The following MEI4 variants were observed in gnomAD, a reference collection of about 807,000 sequenced individuals.
MEI4 encodes the protein meiosis-specific protein MEI4.
MEI4 carries 27 observed loss-of-function variants against 31.4 expected under a neutral mutation model. The observed-to-expected ratio is 0.86, with a 90% confidence interval of 0.63 to 1.19. The LOEUF (loss-of-function observed/expected upper bound fraction) is 1.19. Among genes scored for constraint, MEI4 ranks in the 50% most tolerant of loss-of-function variants. MEI4 has a pLI of 0.00. For synonymous variants in MEI4, 122 were observed against 145.4 expected, an observed-to-expected ratio of 0.84 and a Z score of 1.16; for missense variants, 329 against 398.9, an observed-to-expected ratio of 0.82 and a Z score of 1.49.
intron 4 of MEI4, among the ~76,000 whole-genome samples, chr6:77,899,451 G>A (rs144603372): frequency 3.5e-4 from 54 of 152,120 alleles, no homozygotes; most frequent in Non-Finnish European, 2.5e-4. Context: ...TTCCTGTCCA[G>A]CTTTTATCCA....
intron 2 of MEI4, among the ~76,000 whole-genome samples, chr6:77,753,306 T>A (rs1396237926): frequency 6.6e-6 from 1 of 151,662 alleles, no homozygotes; most frequent in Admixed American, 6.6e-5. Flanking sequence ...ATCATCAGAG[T>A]GAACAGCCAA....
chr6:77,817,214 A>G (rs1769709743), intron 3 of MEI4, among the ~76,000 whole-genome samples: 1 of 152,118 alleles, frequency 6.6e-6, no homozygotes. Context: ...GTTAGGTTCA[A>G]ATAAGTCCCT....
chr6:77,752,476 A>C (rs1767801441), intron 2 of MEI4, among the ~76,000 whole-genome samples: 1 of 152,188 alleles, frequency 6.6e-6, no homozygotes. Flanking sequence ...GAACAGACAG[A>C]GAGCCAAATC....
intron 2 of MEI4, among the ~76,000 whole-genome samples, chr6:77,734,827 C>A (rs1360590280): frequency 4.6e-5 from 7 of 151,660 alleles, no homozygotes; most frequent in East Asian, 1.9e-4. Flanking sequence ...TAGGGCAGGC[C>A]TGGTTGTGAC....
intron 1 of MEI4, among the ~76,000 whole-genome samples, chr6:77,672,026 A>G (rs1427426480): frequency 6.6e-6 from 1 of 152,200 alleles, no homozygotes; most frequent in Non-Finnish European, 1.5e-5. Flanking sequence ...AGTGACATGC[A>G]TATAGAGCTA....
chr6:77,864,068 C>T (rs1371242213), intron 4 of MEI4, among the ~76,000 whole-genome samples: 6 of 152,176 alleles, frequency 3.9e-5, no homozygotes, highest in Non-Finnish European at 7.3e-5. Context: ...CCTAAAAGAG[C>T]TCCTGAAGGA....
intron 4 of MEI4, among the ~76,000 whole-genome samples, chr6:77,887,451 C>T (rs1562026459): frequency 6.6e-6 from 1 of 151,982 alleles, no homozygotes; most frequent in African/African-American, 2.4e-5. Flanking sequence ...CATCGCCCAC[C>T]ACACCCGGCT....
intron 3 of MEI4, among the ~76,000 whole-genome samples, chr6:77,766,758 G>A (rs1768187814): frequency 1.3e-5 from 2 of 151,972 alleles, no homozygotes; most frequent in Admixed American, 6.5e-5. Flanking sequence ...TTTTTTTCTA[G>A]TATGTATCCC....
At chr6:77,870,389 T>G (rs958330297) in intron 4 of MEI4, among the ~76,000 whole-genome samples, 3 of 152,200 alleles carry the variant, frequency 2.0e-5, no homozygotes, top group African/African-American at 7.2e-5. Flanking sequence ...TATGGCATTT[T>G]GCAGGTTAGG....
intron 2 of MEI4, among the ~76,000 whole-genome samples, chr6:77,754,968 C>T (rs1379040837): frequency 6.6e-6 from 1 of 152,048 alleles, no homozygotes; most frequent in Non-Finnish European, 1.5e-5. Flanking sequence ...GGACACAGAA[C>T]CAAGCCATAT....
In MEI4 at chr6:77,766,886, T is replaced by C. The variant is rs115116516; in HGVS notation, c.768+5221T>C. Among the ~76,000 whole-genome samples the C allele has an allele frequency of 9.5e-3, 1,443 of 152,284 alleles. 18 individuals carry two copies. Among genetic ancestry groups the C allele is most frequent in the African/African-American group, 0.032 (1,342 of 41,560 alleles). On this transcript the variant is annotated intron_variant, in intron 3 of 4. Coordinates refer to ENST00000684080, the MANE Select transcript of MEI4 (RefSeq NM_001322247.2). ...TTGTTGTATGTTTCTCTGCTGCAAG[T>C]TAGGACATTGTTTTAGTAATAACAC...
At chr6:77,678,075 C>T (rs952030589) in intron 1 of MEI4, among the ~76,000 whole-genome samples, 11 of 152,126 alleles carry the variant, frequency 7.2e-5, no homozygotes, top group African/African-American at 2.4e-4. Flanking sequence ...GAACTTAACA[C>T]GCTGATACAG....
At chr6:77,815,507 A>G (rs1769668364) in intron 3 of MEI4, among the ~76,000 whole-genome samples, 1 of 152,120 alleles carries the variant, frequency 6.6e-6, no homozygotes, top group Non-Finnish European at 1.5e-5. Context: ...CTGAAATTAG[A>G]GATGTCAGAA....
At position 77,733,463 on chromosome 6, in the gene MEI4, C is replaced by T. The variant is rs190341960; in HGVS notation, c.233-27667C>T. On this transcript the variant is annotated intron_variant, in intron 2 of 4. Coordinates refer to ENST00000684080, the MANE Select transcript of MEI4 (RefSeq NM_001322247.2). ...ATGGTAGTTTGTATTTCTGTGTGAT[C>T]GGTGGTGGTATCCCGTTTATCATTT... Among the ~76,000 whole-genome samples the T allele has an allele frequency of 3.6e-3, 549 of 152,064 alleles. 7 individuals carry two copies. The highest frequency in any genetic ancestry group is 0.012 in the African/African-American group (502 of 41,422).
At chr6:77,866,141 C>T (rs1199462157) in intron 4 of MEI4, among the ~76,000 whole-genome samples, 1 of 151,900 alleles carries the variant, frequency 6.6e-6, no homozygotes, top group Non-Finnish European at 1.5e-5. Context: ...TGGGCAAAAA[C>T]TGGAAGCATT....
Position 77,704,350 on chromosome 6 carries a change from G to A in MEI4, c.232+13447G>A, listed in dbSNP as rs115317067. On this transcript the variant is annotated intron_variant, in intron 2 of 4. Transcript: ENST00000684080. Reference sequence around the variant, plus strand: ...TCATTCTTGAATTTCTTTCCTTGCTGCTTCAACTCTTGTCTAAGAAGTCGT... The same window carrying A: ...TCATTCTTGAATTTCTTTCCTTGCTACTTCAACTCTTGTCTAAGAAGTCGT... 6.9e-3 allele frequency among the ~76,000 whole-genome samples: 1,057 copies of A among 152,138 alleles called. 13 individuals are homozygous for A. The highest frequency in any genetic ancestry group is 0.024 in the African/African-American group (997 of 41,480).
intron 3 of MEI4, among the ~76,000 whole-genome samples, chr6:77,799,847 C>G (rs6941903): frequency 1.3e-5 from 2 of 151,718 alleles, no homozygotes; most frequent in Non-Finnish European, 2.9e-5. Flanking sequence ...TGGTTCCATT[C>G]GTCTATATCT....
At chr6:77,760,454 T>C (rs958490073) in intron 2 of MEI4, among the ~76,000 whole-genome samples, 39 of 150,002 alleles carry the variant, frequency 2.6e-4, no homozygotes, top group Non-Finnish European at 3.0e-5. Context: ...TCTTATATTA[T>C]CTTTTATGAT....
chr6:77,781,221 T>C (rs1208328948), intron 3 of MEI4, among the ~76,000 whole-genome samples: 1 of 152,144 alleles, frequency 6.6e-6, no homozygotes, highest in Non-Finnish European at 1.5e-5. Flanking sequence ...AAATAAAGTA[T>C]GATAAAATTA....
Sources: allele counts gnomAD v4.1 joint callset (sites outside exome capture counted in the v4.1 genomes callset), GRCh38; gene constraint gnomAD v4.1.1; transcripts MANE v1.5; gene names NCBI Gene and HGNC (gene_info 2026-07-23, HGNC 2026-07-21).